The following KCNJ18 variants were observed in gnomAD, a reference collection of about 807,000 sequenced individuals.
KCNJ18 encodes the protein inward rectifier potassium channel 18.
KCNJ18 carries 16 observed loss-of-function variants against 17.3 expected under a neutral mutation model. The observed-to-expected ratio is 0.92, with a 90% CI of 0.62 to 1.40. The LOEUF (loss-of-function observed/expected upper bound fraction) is 1.40, where lower values mean the gene tolerates loss of function less well. KCNJ18 is among the 40% of genes most tolerant of loss of function. KCNJ18 has a pLI of 0.00. For missense variants in KCNJ18, 462 were observed against 626.8 expected (o/e 0.74, Z 2.81); for synonymous variants, 185 against 262.6 (o/e 0.70, Z 2.86).
At chr17:21,696,753 G>A (rs1288685528) in intron 2 of KCNJ18, among the ~76,000 whole-genome samples, 2 of 152,118 alleles carry the variant, frequency 1.3e-5, no homozygotes, top group African/African-American at 4.8e-5. Context: ...AGTATTGTGG[G>A]GCAGAAGGTG....
chr17:21,698,969 A>G (rs1467466680), intron 2 of KCNJ18, among the ~76,000 whole-genome samples: 2 of 151,884 alleles, frequency 1.3e-5, no homozygotes, highest in Non-Finnish European at 2.9e-5. Context: ...CCCCTCTCCC[A>G]TTCCCCTCCC....
rs1906064649 is a variant in KCNJ18 at position 21,703,812 on chromosome 17, C to G, written c.1026C>G (p.Tyr342Ter). The change falls in exon 3 of 3, where the codon TAC (tyrosine) becomes TAG (stop). Residue 342 changes from tyrosine (Y) to a stop codon, truncating the protein, a stop_gained. Coordinates refer to ENST00000567955, the MANE Select transcript of KCNJ18 (RefSeq NM_001194958.2). LOFTEE classifies it high-confidence loss of function. ...FEEKNQYKID[Y>*]SHFHKTYEVP... Reference sequence around the variant, plus strand: ...AGAAGAACCAGTACAAGATTGACTACTCGCACTTCCACAAGACCTATGAGG... The same window carrying G: ...AGAAGAACCAGTACAAGATTGACTAGTCGCACTTCCACAAGACCTATGAGG... The G allele has an allele frequency of 6.2e-7, 1 of 1,609,722 alleles. No homozygotes were observed. Among genetic ancestry groups the G allele is most frequent in the African/African-American group, 1.3e-5 (1 of 74,912 alleles).
At chr17:21,693,929 G>C (rs1423861858) in intron 1 of KCNJ18, among the ~76,000 whole-genome samples, 1 of 152,226 alleles carries the variant, frequency 6.6e-6, no homozygotes, top group Admixed American at 6.5e-5. Context: ...TGAGGGATGG[G>C]GAAGAAGGGG....
chr17:21,699,264 A>G (rs1443707606), intron 2 of KCNJ18, among the ~76,000 whole-genome samples: 1 of 152,096 alleles, frequency 6.6e-6, no homozygotes, highest in Non-Finnish European at 1.5e-5. Flanking sequence ...CTGGTGGAGG[A>G]TATTGTCCTA....
intron 1 of KCNJ18, among the ~76,000 whole-genome samples, chr17:21,695,181 A>G (rs1905721750): frequency 7.0e-6 from 1 of 143,430 alleles, no homozygotes; most frequent in African/African-American, 2.6e-5. Context: ...CTATCCAACC[A>G]TCCATCCATC....
At chr17:21,697,420 A>G (rs1356653860) in intron 2 of KCNJ18, among the ~76,000 whole-genome samples, 2 of 152,426 alleles carry the variant, frequency 1.3e-5, no homozygotes, top group African/African-American at 4.8e-5. Context: ...TTTGGCCTGG[A>G]AAGGGGATTG....
In KCNJ18 at chr17:21,703,554, C is replaced by G; in HGVS notation, c.768C>G (p.Asp256Glu). Residue 256 changes from aspartate to glutamate, a missense_variant, in exon 3 of 3, where the codon GAC becomes GAG. Coordinates refer to ENST00000567955, the MANE Select transcript of KCNJ18 (RefSeq NM_001194958.2). ...AGATCGACATCGATGTGGGCTTCGA[C>G]AAGGGCCTGGACCGCATCTTTCTGG... is the stretch of plus-strand genomic sequence containing the variant. ...LDQIDIDVGFDKGLDRIFLVS... is the reference protein window; with the variant it reads ...LDQIDIDVGFEKGLDRIFLVS... 6.2e-7 allele frequency: 1 copy of G among 1,611,820 alleles called. No individual in the cohort carries two copies. The highest frequency in any genetic ancestry group is 1.7e-5 in the Admixed American group (1 of 59,792).
At chr17:21,694,993 C>G (rs1184585037) in intron 1 of KCNJ18, among the ~76,000 whole-genome samples, 3 of 151,424 alleles carry the variant, frequency 2.0e-5, no homozygotes, top group African/African-American at 4.9e-5. Context: ...CCATCCCATT[C>G]GTCTATCCAT....
In KCNJ18 at chr17:21,704,604, T is replaced by G; in HGVS notation, c.*516T>G. ...AAAAGAACAATTAGAATTCCATGGG[T>G]CTGCCAGGATGCAGCAGCTGGCTGG... On this transcript the variant is annotated 3_prime_UTR_variant, in exon 3 of 3. Transcript: ENST00000567955. 5.9e-6 allele frequency: 1 copy of G among 169,442 alleles called. No homozygotes were observed. The highest frequency in any genetic ancestry group is 1.4e-5 in the Non-Finnish European group (1 of 70,056). The allele number at this position is 169,442 out of a possible 1,614,324, so 10.5% of individuals were successfully genotyped here. A position where few individuals can be genotyped will look rare whatever the true frequency, so the allele number is the denominator to read the frequency against.
Position 21,702,838 on chromosome 17 carries a change from G to A in KCNJ18, c.52G>A (p.Asp18Asn). The A allele has an allele frequency of 2.5e-6, 4 of 1,598,958 alleles. No homozygotes were observed. The highest frequency in any genetic ancestry group is 2.5e-6 in the Non-Finnish European group (3 of 1,178,088). Residue 18 changes from aspartate to asparagine, a missense_variant, in exon 3 of 3, where the codon GAC becomes AAC. Physicochemically the swap from Asp to Asn is conservative, Grantham distance 23. This residue lies in a region of KCNJ18 where 237 missense variants were observed against 259.4 expected (regional missense o/e 0.91). Transcript: ENST00000567955. ...NPYSIVSLEE[D>N]GLHLVTMSGA... ...CTACAGCATCGTGTCATTGGAGGAG[G>A]ACGGGCTGCACCTGGTCACCATGTC...
At chr17:21,702,481 C>T (rs1905992406) in intron 2 of KCNJ18, among the ~76,000 whole-genome samples, 1 of 152,186 alleles carries the variant, frequency 6.6e-6, no homozygotes, top group Non-Finnish European at 1.5e-5. Context: ...CCTAAATAGA[C>T]TCTTCAGAGC....
Position 21,702,745 on chromosome 17 carries a change from G to A in KCNJ18, c.-42G>A. The A allele has an allele frequency of 6.5e-7, 1 of 1,544,104 alleles. No homozygotes were observed. ...CTCTGTTCCAGGAGCCGCCCTGCCT[G>A]GAGCTAGCCTGGGGGTGAGCCAGGG... On this transcript the variant is annotated 5_prime_UTR_variant, in exon 3 of 3. Coordinates refer to ENST00000567955, the MANE Select transcript of KCNJ18 (RefSeq NM_001194958.2).
At chr17:21,693,797 A>G (rs1905678633) in intron 1 of KCNJ18, among the ~76,000 whole-genome samples, 1 of 150,600 alleles carries the variant, frequency 6.6e-6, no homozygotes, top group Admixed American at 6.6e-5. Flanking sequence ...CCACCTGTCC[A>G]TCCATCCACC....
At position 21,700,667 on chromosome 17, in the gene KCNJ18, C is replaced by T. The variant is rs1355967776; in HGVS notation, c.-56-2064C>T. On this transcript the variant is annotated intron_variant, in intron 2 of 2. Transcript: ENST00000567955. Reference sequence around the variant, plus strand: ...TGGCCAGAAGCTGGGTCACACAGACCGGGGCTGAGTCCTGGCATTGCTGCC... The same window carrying T: ...TGGCCAGAAGCTGGGTCACACAGACTGGGGCTGAGTCCTGGCATTGCTGCC... Among the ~76,000 whole-genome samples, 62 of 104,686 alleles carry T rather than the reference C, an allele frequency of 5.9e-4. 14 individuals carry two copies. Among genetic ancestry groups the T allele is most frequent in the Non-Finnish European group, 1.0e-4 (5 of 49,984 alleles). The allele number at this position is 104,686 out of a possible 152,430, so 68.7% of individuals were successfully genotyped here.
At position 21,704,155 on chromosome 17, in the gene KCNJ18, C is replaced by A. The variant is rs1389411121; in HGVS notation, c.*67C>A. On this transcript the variant is annotated 3_prime_UTR_variant, in exon 3 of 3. Coordinates refer to ENST00000567955, the MANE Select transcript of KCNJ18 (RefSeq NM_001194958.2). ...AGAGGCCCCGCGGTCGCTCAGGGGCCCTGGGTTTGAGCAGAACGGGCCCAG... is the reference window on the plus strand; with the variant it reads ...AGAGGCCCCGCGGTCGCTCAGGGGCACTGGGTTTGAGCAGAACGGGCCCAG... 1.4e-6 allele frequency: 2 copies of A among 1,458,132 alleles called. No homozygotes were observed. Among genetic ancestry groups the A allele is most frequent in the Admixed American group, 2.7e-5 (1 of 37,144 alleles). 90.3% of individuals were successfully genotyped at this position (1,458,132 alleles called of 1,614,324 possible).
At chr17:21,701,100 C>T (rs1177783389) in intron 2 of KCNJ18, among the ~76,000 whole-genome samples, 54 of 130,522 alleles carry the variant, frequency 4.1e-4, no homozygotes, top group Admixed American at 2.2e-3. Flanking sequence ...GTGGGCCAGG[C>T]GGTGCCATAG....
chr17:21,699,527 C>T (rs1905869156), intron 2 of KCNJ18, among the ~76,000 whole-genome samples: 1 of 152,220 alleles, frequency 6.6e-6, no homozygotes, highest in African/African-American at 2.4e-5. Context: ...CAGAGCAGGG[C>T]TGTGTGAGGC....
chr17:21,703,675 G>T lies in KCNJ18; in HGVS notation c.889G>T (p.Val297Phe). ...DLETDDFEIV[V>F]ILEGMVEATA... ...GGAGACGGACGACTTTGAGATCGTG[G>T]TCATCCTGGAAGGCATGGTGGAGGC... Residue 297 changes from valine (V) to phenylalanine (F), a missense_variant, in exon 3 of 3, where the codon GTC becomes TTC. Val to Phe is a conservative substitution (Grantham distance 50). This residue lies in a region of KCNJ18 where 55 missense variants were observed against 69.1 expected (regional missense o/e 0.80). Coordinates refer to ENST00000567955, the MANE Select transcript of KCNJ18 (RefSeq NM_001194958.2). 3.1e-6 allele frequency: 4 copies of T among 1,290,322 alleles called. No individual in the cohort carries two copies. In the South Asian group the frequency reaches 5.3e-5, roughly 17 times the overall value. The allele number at this position is 1,290,322 out of a possible 1,614,324, so 79.9% of individuals were successfully genotyped here.
chr17:21,695,084 C>G (rs1196192805), intron 1 of KCNJ18, among the ~76,000 whole-genome samples: 1 of 152,220 alleles, frequency 6.6e-6, no homozygotes. Flanking sequence ...TCCATTCATT[C>G]ATCTACCCAT....
Sources: gnomAD v4.1 joint callset for allele counts (sites outside exome capture counted in the v4.1 genomes callset) on GRCh38, gnomAD v4.1.1 for gene constraint, gnomAD v4.1.1 regional missense constraint, MANE v1.5 for transcripts, NCBI Gene and HGNC (gene_info 2026-07-23, HGNC 2026-07-21) for gene names.